The following OSBPL5 variants were observed in gnomAD, a reference collection of about 807,000 sequenced individuals.
OSBPL5 encodes the protein oxysterol-binding protein-related protein 5.
OSBPL5 carries 71 observed loss-of-function variants against 111.2 expected under a neutral mutation model. The observed-to-expected ratio is 0.64, with a 90% confidence interval of 0.53 to 0.78. OSBPL5 has a LOEUF of 0.78. OSBPL5 is among the 30% of genes least tolerant of loss of function. The probability of loss-of-function intolerance (pLI) is 0.00; values close to 1 mark genes in which losing one functional copy is unlikely to be tolerated. For synonymous variants in OSBPL5, 549 were observed against 513.9 expected, an observed-to-expected ratio of 1.07 and a Z score of -0.93; for missense variants, 1,210 against 1,189.3, an observed-to-expected ratio of 1.02 and a Z score of -0.26.
At chr11:3,119,511 G>A in intron 7 of OSBPL5, 36 bp downstream of exon 7, 4 of 1,546,870 alleles carry the variant, frequency 2.6e-6, no homozygotes, top group Admixed American at 2.1e-5. Flanking sequence ...TTCAGGTGGG[G>A]GCACTGGGGA....
At chr11:3,156,448 T>A (rs1846761147) in intron 1 of OSBPL5, among the ~76,000 whole-genome samples, 1 of 152,138 alleles carries the variant, frequency 6.6e-6, no homozygotes, top group East Asian at 1.9e-4. Flanking sequence ...TCACGTGACA[T>A]CTGTCTGCAT....
In OSBPL5 at chr11:3,106,287, T is replaced by C. The variant is rs368081468; in HGVS notation, c.1059+976A>G. Among the ~76,000 whole-genome samples the C allele has an allele frequency of 4.8e-4, 73 of 152,256 alleles. No homozygotes were observed. In the South Asian group the frequency reaches 0.015, roughly 32 times the overall value. On this transcript the variant is annotated intron_variant, in intron 9 of 21. Transcript: ENST00000263650. This position sits in a 1 kb window ranked among gnomAD's most constrained non-coding sequence, Gnocchi z 8.4. ...CAAGGAACGAATTCCCCTTTCCTGC[T>C]GAAACCGGGACTGCCCCTTGCCCTC...
chr11:3,108,271 C>T (rs1354131663), intron 7 of OSBPL5, among the ~76,000 whole-genome samples: 1 of 151,866 alleles, frequency 6.6e-6, no homozygotes, highest in Non-Finnish European at 1.5e-5. Flanking sequence ...CCCCACGCAC[C>T]TCCACCACCC....
At chr11:3,111,731 GAA>G (rs112039718) in intron 7 of OSBPL5, among the ~76,000 whole-genome samples, 3 of 148,458 alleles carry the variant, frequency 2.0e-5, no homozygotes. Context: ...CCAGCAAAAG[GAA>G]AAAAAAAAGA....
At chr11:3,131,344 G>GGCAT (rs1167265446) in intron 1 of OSBPL5, among the ~76,000 whole-genome samples, 2 of 148,626 alleles carry the variant, frequency 1.3e-5, no homozygotes, top group Non-Finnish European at 3.0e-5. Context: ...CTCCCTTCCA[G>GGCAT]GCATCCATCC....
At chr11:3,158,218 G>A (rs1026909906) in intron 1 of OSBPL5, among the ~76,000 whole-genome samples, 23 of 152,378 alleles carry the variant, frequency 1.5e-4, no homozygotes, top group Middle Eastern at 3.4e-3. Flanking sequence ...TTCCGAGGCA[G>A]AATCTAGGTC....
chr11:3,128,134 G>A (rs1049132526), intron 2 of OSBPL5, among the ~76,000 whole-genome samples: 3 of 152,240 alleles, frequency 2.0e-5, no homozygotes, highest in African/African-American at 7.2e-5. Context: ...CTGGGACTCC[G>A]TTTTTCCATC....
Position 3,154,921 on chromosome 11 carries a change from T to C in OSBPL5, c.-22+10295A>G, listed in dbSNP as rs1846707963. 1.3e-5 allele frequency among the ~76,000 whole-genome samples: 2 copies of C among 151,804 alleles called. No individual in the cohort carries two copies. The highest frequency in any genetic ancestry group is 2.1e-4 in the South Asian group (1 of 4,806). On this transcript the variant is annotated intron_variant, in intron 1 of 21. Coordinates refer to ENST00000263650, the MANE Select transcript of OSBPL5 (RefSeq NM_020896.4). The surrounding 1 kb of genome is among the most constrained non-coding windows in gnomAD (Gnocchi z 4.9). ...CCTAGAACTTAAAGTATAATAATAA[T>C]AATAATAATAAAAAGAGCCCATTAA...
In OSBPL5 at chr11:3,107,819, C is replaced by G. The variant is rs1261545649; in HGVS notation, c.818G>C (p.Cys273Ser). ...TSPDASPSSL[C>S]GLPASATVHP... ...GACGGTGGCTGAGGCTGGCAGCCCACAGAGCGATGAGGGTGATGCGTCTGG... is the reference window on the plus strand; with the variant it reads ...GACGGTGGCTGAGGCTGGCAGCCCAGAGAGCGATGAGGGTGATGCGTCTGG... Residue 273 changes from cysteine (C) to serine (S), a missense_variant, in exon 8 of 22, where the codon TGT (cysteine) becomes TCT (serine). Cys to Ser is a moderately radical substitution (Grantham distance 112). Coordinates refer to ENST00000263650, the MANE Select transcript of OSBPL5 (RefSeq NM_020896.4). The surrounding 1 kb of genome is among the most constrained non-coding windows in gnomAD (Gnocchi z 6.1). 1 of 1,612,554 alleles carries G rather than the reference C, an allele frequency of 6.2e-7. No homozygotes were observed. Among genetic ancestry groups the G allele is most frequent in the Non-Finnish European group, 8.5e-7 (1 of 1,179,974 alleles).
At position 3,141,976 on chromosome 11, in the gene OSBPL5, G is replaced by A. The variant is rs1846133790; in HGVS notation, c.-21-12807C>T. On this transcript the variant is annotated intron_variant, in intron 1 of 21. Coordinates refer to ENST00000263650, the MANE Select transcript of OSBPL5 (RefSeq NM_020896.4). This position sits in a 1 kb window ranked among gnomAD's most constrained non-coding sequence, Gnocchi z 6.5. ...TGCCCAGACTGGAGTACAATGGCAC[G>A]ATCTTGGCTCACTGCAACCTCTGTC... Among the ~76,000 whole-genome samples the A allele has an allele frequency of 6.6e-6, 1 of 152,136 alleles. No homozygotes were observed. The highest frequency in any genetic ancestry group is 1.5e-5 in the Non-Finnish European group (1 of 68,032).
rs1169455250 is a variant in OSBPL5, at chr11:3,126,027, G to A, written c.219+446C>T. 1.3e-5 allele frequency among the ~76,000 whole-genome samples: 2 copies of A among 152,190 alleles called. No individual in the cohort carries two copies. Among genetic ancestry groups the A allele is most frequent in the East Asian group, 1.9e-4 (1 of 5,192 alleles). On this transcript the variant is annotated intron_variant, in intron 3 of 21. Transcript: ENST00000263650. The surrounding 1 kb of genome is among the most constrained non-coding windows in gnomAD (Gnocchi z 6.5). ...AACAACAAATCAGAAAATAGCAAGCGTTGGTGAGGATGTGAGGAACTGGAG... is the reference window on the plus strand; with the variant it reads ...AACAACAAATCAGAAAATAGCAAGCATTGGTGAGGATGTGAGGAACTGGAG...
chr11:3,133,175 G>C (rs1188433411), intron 1 of OSBPL5, among the ~76,000 whole-genome samples: 1 of 152,258 alleles, frequency 6.6e-6, no homozygotes, highest in African/African-American at 2.4e-5. Flanking sequence ...GTTGGCATCT[G>C]CAGGGTGTGA....
intron 1 of OSBPL5, among the ~76,000 whole-genome samples, chr11:3,147,499 T>C (rs1590721705): frequency 1.3e-5 from 2 of 152,252 alleles, no homozygotes; most frequent in African/African-American, 4.8e-5. Flanking sequence ...TATGGGCACA[T>C]AGCCCCGTGC....
Position 3,107,565 on chromosome 11 carries a change from C to T in OSBPL5, c.867-110G>A, listed in dbSNP as rs1349960638. 33 of 1,402,150 alleles carry T rather than the reference C, an allele frequency of 2.4e-5. No homozygotes were observed. The highest frequency in any genetic ancestry group is 1.7e-4 in the Admixed American group (9 of 52,952). 86.9% of individuals were successfully genotyped at this position (1,402,150 alleles called of 1,614,324 possible). A position where few individuals can be genotyped will look rare whatever the true frequency, so the allele number is the denominator to read the frequency against. On this transcript the variant is annotated intron_variant, in intron 8 of 21. Transcript: ENST00000263650. This position sits in a 1 kb window ranked among gnomAD's most constrained non-coding sequence, Gnocchi z 6.1. Reference sequence around the variant, plus strand: ...GCACTTCACATACGTTCCTGCCTGTCGTCACCTCCACAACCCACATTTGAC... The same window carrying T: ...GCACTTCACATACGTTCCTGCCTGTTGTCACCTCCACAACCCACATTTGAC...
At chr11:3,159,955 C>T (rs1211051640) in intron 1 of OSBPL5, among the ~76,000 whole-genome samples, 1 of 152,170 alleles carries the variant, frequency 6.6e-6, no homozygotes, top group Non-Finnish European at 1.5e-5. Context: ...ATTCCGGCTG[C>T]GTCTTCCTCG....
chr11:3,115,871 G>C (rs866859631), intron 7 of OSBPL5, among the ~76,000 whole-genome samples: 998 of 97,650 alleles, frequency 0.01, 11 homozygotes, highest in African/African-American at 0.045. Flanking sequence ...GAAGGCTTTT[G>C]CCTTTTTTTT....
intron 1 of OSBPL5, among the ~76,000 whole-genome samples, chr11:3,131,698 C>CCA (rs1476419457): frequency 5.2e-5 from 7 of 135,404 alleles, no homozygotes; most frequent in South Asian, 2.4e-4. Flanking sequence ...ACCCATTCAT[C>CCA]TATCCATCCA....
intron 19 of OSBPL5, 25 bp from the exon 20 acceptor site, chr11:3,090,721 G>C (rs775910608): frequency 1.0e-5 from 16 of 1,597,978 alleles, no homozygotes; most frequent in Non-Finnish European, 1.4e-5. Flanking sequence ...AGCTGCTGCA[G>C]CTGAAAGCCA....
In OSBPL5 at chr11:3,161,490, TCCCTGGG is replaced by T. The variant is rs1846966016; in HGVS notation, c.-22+3719_-22+3725del. The stretch of plus-strand genomic sequence containing the variant: ...GGCAGCCAGTCTCAATCTACTGACC[TCCCTGGG>T]ATGAGACAGTATGACGGCTTTCCAC... On this transcript the variant is annotated intron_variant, in intron 1 of 21. Transcript: ENST00000263650. This position sits in a 1 kb window ranked among gnomAD's most constrained non-coding sequence, Gnocchi z 8.0. 6.6e-6 allele frequency: 1 copy of T among 152,202 alleles called. No homozygotes were observed. Among genetic ancestry groups the T allele is most frequent in the African/African-American group, 2.4e-5 (1 of 41,440 alleles). The allele number at this position is 152,202 out of a possible 1,614,324, so 9.4% of individuals were successfully genotyped here. A position where few individuals can be genotyped will look rare whatever the true frequency, so the allele number is the denominator to read the frequency against.
Sources: allele counts gnomAD v4.1 joint callset (sites outside exome capture counted in the v4.1 genomes callset), GRCh38; gene constraint gnomAD v4.1.1; non-coding constraint Gnocchi (gnomAD v3.1); transcripts MANE v1.5; gene names NCBI Gene and HGNC (gene_info 2026-07-23, HGNC 2026-07-21).